The following IPO4 variants were observed in gnomAD, a reference collection of about 807,000 sequenced individuals.
The protein encoded by IPO4 is importin-4.
A neutral mutation model predicts 133.5 loss-of-function variants in IPO4; 91 were observed. The observed-to-expected ratio is 0.68, with a 90% CI of 0.58 to 0.81. IPO4 has a LOEUF of 0.81. Ranked by LOEUF, IPO4 falls within the 30% of genes least tolerant of loss-of-function variation. The pLI, the probability that IPO4 is intolerant of heterozygous loss-of-function variation, is 0.00. For missense variants in IPO4, 1,279 were observed against 1,386.2 expected, an observed-to-expected ratio of 0.92 and a Z score of 1.23; for synonymous variants, 607 against 581.6, an observed-to-expected ratio of 1.04 and a Z score of -0.63.
chr14:24,188,359 G>C lies in IPO4; in HGVS notation c.221C>G (p.Ala74Gly). Residue 74 changes from alanine (A) to glycine (G), a missense_variant, in exon 3 of 30, where the codon GCG becomes GGG. By Grantham distance (60) the Ala-to-Gly change is moderately conservative. This residue lies in a region of IPO4 where 695 missense variants were observed against 704.1 expected (regional missense o/e 0.99). Coordinates refer to ENST00000354464, the MANE Select transcript of IPO4 (RefSeq NM_024658.4). The part of the protein sequence containing the change: ...RLNTRWRRLA[A>G]EQRESLKSLI... ...CCCAGCCCACCTCTCCCGTTGCTCC[G>C]CCGCCAGCCGTCGCCAGCGGGTGTT... The C allele has an allele frequency of 6.2e-7, 1 of 1,612,270 alleles. No individual in the cohort carries two copies. Among genetic ancestry groups the C allele is most frequent in the South Asian group, 1.1e-5 (1 of 91,016 alleles).
chr14:24,185,031 C>G, intron 14 of IPO4, 51 bp from the exon 15 acceptor site: 1 of 1,590,532 alleles, frequency 6.3e-7, no homozygotes, highest in Middle Eastern at 1.7e-4. Context: ...GCTACCTGCA[C>G]GCCCACCTCC....
At position 24,180,717 on chromosome 14, in the gene IPO4, G is replaced by A. The variant is rs2039121194; in HGVS notation, c.3087C>T (p.Leu1029=). The change falls in exon 29 of 30, where the codon CTC becomes CTT. Residue 1029 remains leucine (L), a synonymous_variant. Transcript: ENST00000354464. ...VAPELLRICS[L]ILADNKIPPD... is the part of the protein sequence containing the mutation. ...GTGGGATCTTGTTGTCAGCCAGAAT[G>A]AGGCTGCAGATACGCAGAAGCTCGG... 3 of 1,614,172 alleles carry A rather than the reference G, an allele frequency of 1.9e-6. No homozygotes were observed. The highest frequency in any genetic ancestry group is 2.5e-6 in the Non-Finnish European group (3 of 1,180,046).
At chr14:24,182,676 C>G (rs1309625826) in intron 24 of IPO4, 116 bp downstream of exon 24, 10 of 1,190,368 alleles carry the variant, frequency 8.4e-6, no homozygotes, top group Non-Finnish European at 1.3e-5. Flanking sequence ...CTGGCCATTA[C>G]CAGTCTCTTT....
chr14:24,185,205 C>T lies in IPO4; in HGVS notation c.1386G>A (p.Leu462=). The T allele has an allele frequency of 6.2e-7, 1 of 1,614,128 alleles. No homozygotes were observed. The highest frequency in any genetic ancestry group is 8.5e-7 in the Non-Finnish European group (1 of 1,180,016). The change falls in exon 14 of 30, where the codon CTG becomes CTA. Residue 462 remains leucine, a synonymous_variant. Coordinates refer to ENST00000354464, the MANE Select transcript of IPO4 (RefSeq NM_024658.4). ...TACCTAGGTTCTCCACAAAATTCTC[C>T]AGGGCATAGCAGGCCTTGGCTAGGT... ...THHLAKACYA[L]ENFVENLGPK...
rs767070565 is a variant in IPO4 at position 24,186,703 on chromosome 14, C to A, written c.840+5G>T. Reference sequence around the variant, plus strand: ...GGTGATGTGTGTCAATGGGCACTCACTTACCTTGCTCTTGACTTTGACCAA... The same window carrying A: ...GGTGATGTGTGTCAATGGGCACTCAATTACCTTGCTCTTGACTTTGACCAA... On this transcript the variant is annotated splice_donor_5th_base_variant and intron_variant, in intron 9 of 29. Coordinates refer to ENST00000354464, the MANE Select transcript of IPO4 (RefSeq NM_024658.4). The A allele has an allele frequency of 2.5e-6, 4 of 1,613,466 alleles. No individual in the cohort carries two copies. The East Asian group carries it at 8.9e-5, about 36-fold the overall frequency.
At position 24,180,573 on chromosome 14, in the gene IPO4, C is replaced by T; in HGVS notation, c.3116-1G>A. 1 of 1,613,568 alleles carries T rather than the reference C, an allele frequency of 6.2e-7. No homozygotes were observed. Among genetic ancestry groups the T allele is most frequent in the Non-Finnish European group, 8.5e-7 (1 of 1,179,478 alleles). Reference sequence around the variant, plus strand: ...AGCAGCAACAGTGCGGCCTTGGTGTCTGGGTGGAGAGGGAGGGAGAAAGGT... The same window carrying T: ...AGCAGCAACAGTGCGGCCTTGGTGTTTGGGTGGAGAGGGAGGGAGAAAGGT... On this transcript the variant is annotated splice_acceptor_variant, in intron 29 of 29. Transcript: ENST00000354464. LOFTEE classifies it high-confidence loss of function.
chr14:24,186,032 T>G, intron 11 of IPO4, 62 bp from the exon 12 acceptor site: 1 of 1,596,100 alleles, frequency 6.3e-7, no homozygotes, highest in South Asian at 1.1e-5. Context: ...CCTGTGGTAA[T>G]AGGCCTTCAC....
At position 24,183,674 on chromosome 14, in the gene IPO4, T is replaced by A. The variant is rs369143924; in HGVS notation, c.1986-7A>T. The A allele has an allele frequency of 6.2e-7, 1 of 1,613,836 alleles. No individual in the cohort carries two copies. Among genetic ancestry groups the A allele is most frequent in the African/African-American group, 1.3e-5 (1 of 74,898 alleles). ...GGCATTCTCCACGCTGTACCTAGAG[T>A]AAGAAGGGGAGGCAGTGGTGATCAG... On this transcript the variant is annotated splice_region_variant and splice_polypyrimidine_tract_variant and intron_variant, in intron 19 of 29. Transcript: ENST00000354464.
At chr14:24,181,639 G>A in intron 27 of IPO4, 22 bp from the exon 28 acceptor site, 1 of 1,613,960 alleles carries the variant, frequency 6.2e-7, no homozygotes, top group Non-Finnish European at 8.5e-7. Flanking sequence ...AATGTCTCAG[G>A]CCAACCTGCC....
rs1480873204 is a variant in IPO4, at chr14:24,185,850, G to A, written c.1169+11C>T. 1 of 1,604,948 alleles carries A rather than the reference G, an allele frequency of 6.2e-7. No homozygotes were observed. The highest frequency in any genetic ancestry group is 1.1e-5 in the South Asian group (1 of 90,934). On this transcript the variant is annotated intron_variant, in intron 12 of 29. Coordinates refer to ENST00000354464, the MANE Select transcript of IPO4 (RefSeq NM_024658.4). The stretch of plus-strand genomic sequence containing the variant: ...TGGGCAACCCTCACCCTGGGACAGG[G>A]GAATACATACCTCTGCCTGATGTGG...
chr14:24,180,836 G>T, intron 28 of IPO4, 78 bp from the exon 29 acceptor site: 1 of 1,276,330 alleles, frequency 7.8e-7, no homozygotes, highest in Non-Finnish European at 1.1e-6. Context: ...CCAAGGAGTG[G>T]CAGAATCTCT....
In IPO4 at chr14:24,182,512, G is replaced by C. The variant is rs566619681; in HGVS notation, c.2473-109C>G. The C allele has an allele frequency of 1.1e-5, 16 of 1,449,250 alleles. No individual in the cohort carries two copies. The African/African-American group carries it at 2.0e-4, about 18-fold the overall frequency. The allele number at this position is 1,449,250 out of a possible 1,614,324, so 89.8% of individuals were successfully genotyped here. ...GGGGTCCCTGGGGCTGCCCTTGGTT[G>C]ATAGGGCTGGCCCCTCTCAAGCTGG... On this transcript the variant is annotated intron_variant, in intron 24 of 29. Coordinates refer to ENST00000354464, the MANE Select transcript of IPO4 (RefSeq NM_024658.4).
Position 24,184,855 on chromosome 14 carries a change from C to T in IPO4, c.1522+12G>A, listed in dbSNP as rs2039196612. ...TGAACCCCACATCCCTGCCTCCTGC[C>T]TCTCTCCTCACCAATGGCTCCCAGG... On this transcript the variant is annotated intron_variant, in intron 15 of 29. Coordinates refer to ENST00000354464, the MANE Select transcript of IPO4 (RefSeq NM_024658.4). 1.9e-6 allele frequency: 3 copies of T among 1,612,670 alleles called. No homozygotes were observed. The highest frequency in any genetic ancestry group is 1.1e-5 in the South Asian group (1 of 90,964).
At position 24,187,729 on chromosome 14, in the gene IPO4, A is replaced by G; in HGVS notation, c.346T>C (p.Trp116Arg). Residue 116 changes from tryptophan to arginine, a missense_variant, in exon 5 of 30, where the codon TGG becomes CGG. By Grantham distance (101) the Trp-to-Arg change is moderately radical. Around this residue, in one of 3 missense-constraint regions of IPO4, gnomAD observed 695 missense variants for 704.1 expected, o/e 0.99. Coordinates refer to ENST00000354464, the MANE Select transcript of IPO4 (RefSeq NM_024658.4). ...TIFRKEGLEA[W>R]PQLLQLLQHS... ...TGAAGCAGCTGCAAAAGCTGTGGCCAGGCCTCCAAGCCTTCCTTTCGAAAA... is the reference window on the plus strand; with the variant it reads ...TGAAGCAGCTGCAAAAGCTGTGGCCGGGCCTCCAAGCCTTCCTTTCGAAAA... 1.2e-6 allele frequency: 2 copies of G among 1,614,234 alleles called. No individual in the cohort carries two copies. Among genetic ancestry groups the G allele is most frequent in the Non-Finnish European group, 1.7e-6 (2 of 1,180,042 alleles).
Position 24,185,861 on chromosome 14 carries a change from C to G in IPO4, c.1169G>C (p.Arg390Thr). 2 of 1,612,502 alleles carry G rather than the reference C, an allele frequency of 1.2e-6. No individual in the cohort carries two copies. Among genetic ancestry groups the G allele is most frequent in the Non-Finnish European group, 8.5e-7 (1 of 1,178,966 alleles). ...CACCCTGGGACAGGGGAATACATAC[C>G]TCTGCCTGATGTGGTCGCCAGCTCC... Reference protein sequence around the residue: ...SDGAGDHIRQRLLPPLLQIVC... With the variant: ...SDGAGDHIRQTLLPPLLQIVC... Residue 390 changes from arginine to threonine, a missense_variant and splice_region_variant, in exon 12 of 30, where the codon AGA becomes ACA. Coordinates refer to ENST00000354464, the MANE Select transcript of IPO4 (RefSeq NM_024658.4).
intron 28 of IPO4, 39 bp downstream of exon 28, chr14:24,181,471 AGCG>A (rs772527999): frequency 4.2e-5 from 63 of 1,499,262 alleles, no homozygotes; most frequent in Non-Finnish European, 5.2e-5. Context: ...CACTGAGTGG[AGCG>A]GCACGTTCCC....
chr14:24,186,258 T>C (rs200257840), intron 10 of IPO4, 29 bp downstream of exon 10: 17 of 1,603,256 alleles, frequency 1.1e-5, no homozygotes, highest in Admixed American at 3.4e-5. Context: ...ACCTAACACC[T>C]TCCCCCTCTG....
Position 24,181,952 on chromosome 14 carries a change from T to C in IPO4, c.2807+3A>G. The C allele has an allele frequency of 3.7e-6, 6 of 1,610,610 alleles. No homozygotes were observed. The highest frequency in any genetic ancestry group is 5.1e-6 in the Non-Finnish European group (6 of 1,179,954). ...TCCCTCCCGTCCTGCGAGCCAAGGA[T>C]ACTCCTGGGCAGGGTGGCCCCCATG... On this transcript the variant is annotated splice_donor_region_variant and intron_variant, in intron 26 of 29. Coordinates refer to ENST00000354464, the MANE Select transcript of IPO4 (RefSeq NM_024658.4).
In IPO4 at chr14:24,182,245, A is replaced by T. The variant is rs751315552; in HGVS notation, c.2598+33T>A. ...TGGTGGGCACCGGGTGCACGAGGGG[A>T]CTAGGGCTTGAAGCCAGAAGATGGA... is the stretch of plus-strand genomic sequence containing the variant. On this transcript the variant is annotated intron_variant, in intron 25 of 29. Coordinates refer to ENST00000354464, the MANE Select transcript of IPO4 (RefSeq NM_024658.4). 6.2e-6 allele frequency: 10 copies of T among 1,614,072 alleles called. No homozygotes were observed. In the South Asian group the frequency reaches 1.1e-4, roughly 18 times the overall value.
Sources: allele counts gnomAD v4.1 joint callset, GRCh38; gene constraint gnomAD v4.1.1; regional missense constraint gnomAD v4.1.1; transcripts MANE v1.5; gene names NCBI Gene and HGNC (gene_info 2026-07-23, HGNC 2026-07-21).